Variants in TENM4 observed in about 807,000 individuals in gnomAD.
The protein encoded by TENM4 is teneurin transmembrane protein 4.
Under a neutral mutation model 243.3 loss-of-function variants are expected in TENM4, and 82 were observed. The observed-to-expected ratio is 0.34, with a 90% CI of 0.28 to 0.40. The LOEUF (loss-of-function observed/expected upper bound fraction) is 0.40. TENM4 is among the 10% of genes least tolerant of loss of function. The pLI is 1.00. For synonymous variants in TENM4, 1,412 were observed against 1,456.3 expected, an observed-to-expected ratio of 0.97 and a Z score of 0.69; for missense variants, 3,138 against 3,673.3, an observed-to-expected ratio of 0.85 and a Z score of 3.77.
chr11:79,053,461 C>T (rs1195449876), intron 6 of TENM4, among the ~76,000 whole-genome samples: 1 of 152,222 alleles, frequency 6.6e-6, no homozygotes, highest in Non-Finnish European at 1.5e-5. Flanking sequence ...AGGCTGAACC[C>T]TTGAGCCAGC....
In TENM4 at chr11:78,813,956, G is replaced by A. The variant is rs962471947; in HGVS notation, c.1783+338C>T. Among the ~76,000 whole-genome samples, 7 of 152,114 alleles carry A rather than the reference G, an allele frequency of 4.6e-5. No individual in the cohort carries two copies. In the South Asian group the frequency reaches 1.0e-3, roughly 23 times the overall value. ...ACTTCAAAGATGCACGGCCAGGGAC[G>A]ATCATTGCTATAAGAGGAAATCAAC... On this transcript the variant is annotated intron_variant, in intron 13 of 33. Transcript: ENST00000278550.
chr11:79,323,211 T>C (rs916293666), intron 1 of TENM4, among the ~76,000 whole-genome samples: 3 of 152,236 alleles, frequency 2.0e-5, no homozygotes, highest in African/African-American at 7.2e-5. Context: ...GGCAGACACC[T>C]TTTTCTTCTA....
At chr11:78,739,902 T>TA (rs1302398672) in intron 19 of TENM4, among the ~76,000 whole-genome samples, 4 of 152,156 alleles carry the variant, frequency 2.6e-5, no homozygotes, top group African/African-American at 9.7e-5. Flanking sequence ...AAGCAGGTGA[T>TA]AGAGGCAGGA....
At chr11:79,264,431 A>T (rs183558750) in intron 2 of TENM4, among the ~76,000 whole-genome samples, 1 of 152,362 alleles carries the variant, frequency 6.6e-6, no homozygotes, top group East Asian at 1.9e-4. Context: ...ATCTTCCCAG[A>T]GTGGTAAACC....
At chr11:79,308,918 C>T (rs1370928888) in intron 1 of TENM4, among the ~76,000 whole-genome samples, 1 of 152,104 alleles carries the variant, frequency 6.6e-6, no homozygotes, top group Non-Finnish European at 1.5e-5. Context: ...GTTACCTGGA[C>T]AGTGCTCTGT....
chr11:78,890,316 A>T (rs1458592778), intron 8 of TENM4, among the ~76,000 whole-genome samples: 2 of 152,194 alleles, frequency 1.3e-5, no homozygotes, highest in African/African-American at 4.8e-5. Flanking sequence ...TGGCACTGAG[A>T]TCCTTTTCCT....
chr11:79,265,638 A>G (rs1855871571), intron 2 of TENM4, among the ~76,000 whole-genome samples: 1 of 152,012 alleles, frequency 6.6e-6, no homozygotes, highest in Non-Finnish European at 1.5e-5. Flanking sequence ...GCTTTCATCT[A>G]CTTTTCACAT....
intron 3 of TENM4, among the ~76,000 whole-genome samples, chr11:79,198,355 C>A (rs1590787584): frequency 1.3e-5 from 2 of 152,120 alleles, no homozygotes; most frequent in Admixed American, 6.5e-5. Flanking sequence ...AGCTCAGGCA[C>A]CACCCACAGA....
intron 2 of TENM4, among the ~76,000 whole-genome samples, chr11:79,289,579 G>T (rs1034135047): frequency 6.6e-6 from 1 of 152,220 alleles, no homozygotes; most frequent in Non-Finnish European, 1.5e-5. Context: ...TGACATTTTT[G>T]CTGTGATTGC....
At chr11:79,374,670 T>A (rs1857855126) in intron 1 of TENM4, among the ~76,000 whole-genome samples, 1 of 152,164 alleles carries the variant, frequency 6.6e-6, no homozygotes, top group Non-Finnish European at 1.5e-5. Flanking sequence ...ATTTGTTTTA[T>A]ATGAGGATCC....
At chr11:78,824,367 C>T (rs55681823) in intron 12 of TENM4, among the ~76,000 whole-genome samples, 1 of 151,932 alleles carries the variant, frequency 6.6e-6, no homozygotes, top group Admixed American at 6.6e-5. Context: ...GGTGCTACAC[C>T]CTTTAAAATG....
At chr11:78,755,983 T>A (rs1856296200) in intron 19 of TENM4, among the ~76,000 whole-genome samples, 1 of 152,214 alleles carries the variant, frequency 6.6e-6, no homozygotes, top group Non-Finnish European at 1.5e-5. Flanking sequence ...TCCCTGCTCT[T>A]GGATATGCTG....
chr11:79,133,394 T>C (rs1591305692), intron 4 of TENM4, among the ~76,000 whole-genome samples: 2 of 152,058 alleles, frequency 1.3e-5, no homozygotes, highest in Non-Finnish European at 2.9e-5. Context: ...CAGCACCAGA[T>C]GGATTCACAG....
intron 4 of TENM4, among the ~76,000 whole-genome samples, chr11:79,147,447 T>C (rs1316651293): frequency 3.9e-5 from 6 of 152,194 alleles, no homozygotes; most frequent in Admixed American, 1.3e-4. Context: ...TAGCAACCCA[T>C]CATCCTTGTC....
intron 1 of TENM4, among the ~76,000 whole-genome samples, chr11:79,371,819 C>T (rs568154593): frequency 6.6e-6 from 1 of 152,248 alleles, no homozygotes; most frequent in South Asian, 2.1e-4. Context: ...CATCACCAGC[C>T]CCCTGTAATT....
At chr11:79,390,956 G>T (rs1042611286) in intron 1 of TENM4, among the ~76,000 whole-genome samples, 1 of 152,182 alleles carries the variant, frequency 6.6e-6, no homozygotes, top group African/African-American at 2.4e-5. Flanking sequence ...TATTAAGGAG[G>T]TTCATTCTTG....
chr11:79,063,785 T>G (rs914285038), intron 6 of TENM4, among the ~76,000 whole-genome samples: 1 of 152,138 alleles, frequency 6.6e-6, no homozygotes, highest in African/African-American at 2.4e-5. Flanking sequence ...AGGAGGTGTG[T>G]GAACCAGGTG....
At chr11:79,336,363 G>A (rs1445726696) in intron 1 of TENM4, among the ~76,000 whole-genome samples, 3 of 152,258 alleles carry the variant, frequency 2.0e-5, no homozygotes, top group Admixed American at 6.5e-5. Flanking sequence ...GAGCCATCTC[G>A]CATACTTACT....
intron 2 of TENM4, among the ~76,000 whole-genome samples, chr11:79,262,909 C>T (rs1358526320): frequency 1.3e-5 from 2 of 152,200 alleles, no homozygotes; most frequent in Non-Finnish European, 2.9e-5. Context: ...TAAATATTCC[C>T]TGAATTGAGT....
Sources: gnomAD v4.1 joint callset for allele counts (sites outside exome capture counted in the v4.1 genomes callset) on GRCh38, gnomAD v4.1.1 for gene constraint, MANE v1.5 for transcripts, NCBI Gene and HGNC (gene_info 2026-07-23, HGNC 2026-07-21) for gene names.